The following ROBO2 variants were observed in gnomAD, a reference collection of about 807,000 sequenced individuals.
ROBO2 encodes the protein roundabout homolog 2.
In ROBO2, 53 loss-of-function variants were observed where a neutral mutation model predicts 160.8. The observed-to-expected ratio is 0.33, with a 90% confidence interval of 0.26 to 0.41. The LOEUF is 0.41. Ranked by LOEUF, ROBO2 falls within the 10% of genes least tolerant of loss-of-function variation. The pLI is 1.00. For synonymous variants in ROBO2, 664 were observed against 611.7 expected (o/e 1.09, Z -1.26); for missense variants, 1,577 against 1,722.4 (o/e 0.92, Z 1.49).
chr3:77,522,927 T>A, intron 6 of ROBO2, 25 bp downstream of exon 6: 1 of 1,608,112 alleles, frequency 6.2e-7, no homozygotes, highest in South Asian at 1.1e-5. Context: ...ATGTCAAAGA[T>A]AATTGAACCA....
At chr3:76,060,008 T>C (rs781743083) in intron 2 of ROBO2, among the ~76,000 whole-genome samples, 5 of 152,230 alleles carry the variant, frequency 3.3e-5, no homozygotes, top group Non-Finnish European at 7.3e-5. Context: ...CATTGGTCTA[T>C]ATCTCTGTTT....
In ROBO2 at chr3:77,325,860, C is replaced by A. The variant is rs561107565; in HGVS notation, c.389-151554C>A. ...TCCTCATTTGACAGTACAGATTATA[C>A]TCCTGGAAGATGGAAAAGCTGGGAC... On this transcript the variant is annotated intron_variant, in intron 2 of 25. Coordinates refer to ENST00000461745, the Ensembl canonical transcript of ROBO2. Among the ~76,000 whole-genome samples the A allele has an allele frequency of 2.6e-5, 4 of 152,214 alleles. No individual in the cohort carries two copies. In the South Asian group the frequency reaches 6.2e-4, roughly 24 times the overall value.
chr3:76,648,397 A>G (rs2091087317), intron 2 of ROBO2, among the ~76,000 whole-genome samples: 1 of 152,108 alleles, frequency 6.6e-6, no homozygotes, highest in African/African-American at 2.4e-5. Flanking sequence ...TAAAGTTAAG[A>G]AGCCCAAAGA....
chr3:76,026,400 A>G (rs2066746984), intron 2 of ROBO2, among the ~76,000 whole-genome samples: 1 of 151,958 alleles, frequency 6.6e-6, no homozygotes. Flanking sequence ...GGAATAAGTT[A>G]TAAAATACTA....
chr3:76,033,264 G>A (rs561751069), intron 2 of ROBO2, among the ~76,000 whole-genome samples: 2 of 151,694 alleles, frequency 1.3e-5, no homozygotes, highest in East Asian at 1.9e-4. Context: ...ATATTACCAC[G>A]TGGTCTGGTC....
At chr3:77,150,406 T>G (rs1488738334) in intron 2 of ROBO2, among the ~76,000 whole-genome samples, 5 of 152,226 alleles carry the variant, frequency 3.3e-5, no homozygotes, top group Non-Finnish European at 7.3e-5. Flanking sequence ...GAAAGACAAG[T>G]AACTTGAGGT....
At chr3:76,050,188 G>A (rs1424999926) in intron 2 of ROBO2, among the ~76,000 whole-genome samples, 1 of 152,110 alleles carries the variant, frequency 6.6e-6, no homozygotes, top group Non-Finnish European at 1.5e-5. Flanking sequence ...CTGCCATTGT[G>A]GCTAAGAGAA....
chr3:76,806,389 T>C (rs1486589812), intron 2 of ROBO2, among the ~76,000 whole-genome samples: 1 of 152,002 alleles, frequency 6.6e-6, no homozygotes, highest in Non-Finnish European at 1.5e-5. Flanking sequence ...AGTAAATAAA[T>C]GTTCTCTGAA....
intron 2 of ROBO2, among the ~76,000 whole-genome samples, chr3:76,918,356 T>C (rs1034870403): frequency 3.3e-5 from 5 of 152,314 alleles, no homozygotes; most frequent in South Asian, 2.1e-4. Flanking sequence ...AGGTGCCTTC[T>C]GCCATGATTG....
intron 2 of ROBO2, among the ~76,000 whole-genome samples, chr3:77,181,854 C>G (rs6419726): frequency 0.34 from 51,659 of 151,806 alleles, 9,316 homozygotes; most frequent in Middle Eastern, 0.48. Context: ...ATTTTTGCAC[C>G]AAGTCCAATA....
chr3:76,224,309 C>A (rs968989866), intron 2 of ROBO2, among the ~76,000 whole-genome samples: 9 of 152,130 alleles, frequency 5.9e-5, no homozygotes, highest in Non-Finnish European at 8.8e-5. Flanking sequence ...GAGTTAATGG[C>A]ATAATTCCTA....
intron 2 of ROBO2, among the ~76,000 whole-genome samples, chr3:76,782,212 T>C (rs2062691713): frequency 6.6e-6 from 1 of 150,766 alleles, no homozygotes; most frequent in Non-Finnish European, 1.5e-5. Flanking sequence ...TTCTTCCTAG[T>C]ATTGATTTCT....
chr3:76,405,425 T>G (rs1016206358), intron 2 of ROBO2, among the ~76,000 whole-genome samples: 2 of 151,628 alleles, frequency 1.3e-5, no homozygotes, highest in Non-Finnish European at 3.0e-5. Context: ...GAGGCTGAAA[T>G]GTAGTTTAGT....
chr3:77,071,816 C>G (rs888401774), intron 1 of ROBO2, among the ~76,000 whole-genome samples: 1 of 152,176 alleles, frequency 6.6e-6, no homozygotes, highest in Non-Finnish European at 1.5e-5. Context: ...TGAGCCCTGT[C>G]CTGTGGAGTC....
intron 2 of ROBO2, among the ~76,000 whole-genome samples, chr3:75,974,185 G>A (rs889951100): frequency 2.6e-5 from 4 of 151,608 alleles, no homozygotes; most frequent in Admixed American, 6.6e-5. Context: ...AATACAAAAT[G>A]TAGAGCGTGA....
intron 2 of ROBO2, among the ~76,000 whole-genome samples, chr3:77,249,604 C>G (rs921853813): frequency 2.2e-5 from 3 of 137,450 alleles, no homozygotes; most frequent in Non-Finnish European, 4.7e-5. Flanking sequence ...GATATTGACT[C>G]AAATTTTAGA....
intron 2 of ROBO2, among the ~76,000 whole-genome samples, chr3:76,657,708 G>T (rs28845581): frequency 7.5e-6 from 1 of 132,894 alleles, no homozygotes; most frequent in Non-Finnish European, 1.5e-5. Context: ...ATTCATATAT[G>T]TGTGTATATA....
At chr3:76,191,842 T>C (rs529448408) in intron 2 of ROBO2, among the ~76,000 whole-genome samples, 1 of 152,212 alleles carries the variant, frequency 6.6e-6, no homozygotes, top group South Asian at 2.1e-4. Flanking sequence ...CTTCTCTCTT[T>C]ATTTCCTTTC....
At chr3:76,477,047 G>A (rs2078968334) in intron 2 of ROBO2, among the ~76,000 whole-genome samples, 1 of 152,144 alleles carries the variant, frequency 6.6e-6, no homozygotes, top group South Asian at 2.1e-4. Context: ...GTCAAACTGT[G>A]TAGCCTCAGC....
Sources: gnomAD v4.1 joint callset for allele counts (sites outside exome capture counted in the v4.1 genomes callset) on GRCh38, gnomAD v4.1.1 for gene constraint, MANE v1.5 for transcripts, NCBI Gene and HGNC (gene_info 2026-07-23, HGNC 2026-07-21) for gene names.